Variants in CNR2 observed in about 807,000 individuals in gnomAD.
CNR2 encodes cannabinoid receptor 2, also known as cannabinoid receptor 2 (macrophage).
For synonymous variants in CNR2, 172 were observed against 182.2 expected (o/e 0.94, Z 0.45); for missense variants, 379 against 439.9 (o/e 0.86, Z 1.24).
intron 1 of CNR2, among the ~76,000 whole-genome samples, chr1:23,911,516 G>C (rs953985091): frequency 1.3e-4 from 20 of 152,118 alleles, no homozygotes; most frequent in Non-Finnish European, 2.9e-5. Context: ...GTGGGGATGG[G>C]AGTGAGGGAA....
At chr1:23,905,612 C>T (rs1640474385) in intron 1 of CNR2, among the ~76,000 whole-genome samples, 1 of 152,062 alleles carries the variant, frequency 6.6e-6, no homozygotes, top group Non-Finnish European at 1.5e-5. Flanking sequence ...AGGCTTGACT[C>T]ATGGGGCTGA....
At chr1:23,900,051 C>G (rs1025191084) in intron 1 of CNR2, among the ~76,000 whole-genome samples, 14 of 150,552 alleles carry the variant, frequency 9.3e-5, no homozygotes, top group African/African-American at 3.2e-4. Flanking sequence ...AGATTCTGAC[C>G]CTCCCTAAAC....
At chr1:23,879,041 A>G (rs1237131983) in intron 1 of CNR2, among the ~76,000 whole-genome samples, 2 of 152,256 alleles carry the variant, frequency 1.3e-5, no homozygotes, top group African/African-American at 4.8e-5. Context: ...AAGAATAGTG[A>G]GCAAGTAAGT....
intron 1 of CNR2, among the ~76,000 whole-genome samples, chr1:23,879,751 G>C (rs1639946746): frequency 6.6e-6 from 1 of 152,070 alleles, no homozygotes; most frequent in Non-Finnish European, 1.5e-5. Flanking sequence ...AAAAAACCAG[G>C]CATCATCTCT....
chr1:23,902,746 C>A lies in CNR2; in HGVS notation c.-46+10500G>T. The A allele has an allele frequency of 2.0e-6, 3 of 1,531,856 alleles. No individual in the cohort carries two copies. In the South Asian group the frequency reaches 3.6e-5, roughly 19 times the overall value. 94.9% of individuals were successfully genotyped at this position (1,531,856 alleles called of 1,614,324 possible). A position where few individuals can be genotyped will look rare whatever the true frequency, so the allele number is the denominator to read the frequency against. ...CTCTCGCGCAGCGTGGGGGACCGCG[C>A]CATTTGGGGCTCTCCGGGTGGTTGT... On this transcript the variant is annotated intron_variant, in intron 1 of 1. Coordinates refer to ENST00000374472, the MANE Select transcript of CNR2 (RefSeq NM_001841.3).
At chr1:23,885,233 C>T (rs1300150053) in intron 1 of CNR2, among the ~76,000 whole-genome samples, 1 of 151,334 alleles carries the variant, frequency 6.6e-6, no homozygotes, top group Non-Finnish European at 1.5e-5. Context: ...CTACTGCACT[C>T]CAGCCTGGTT....
chr1:23,910,676 AAAAG>A (rs1640568794), intron 1 of CNR2, among the ~76,000 whole-genome samples: 3 of 149,798 alleles, frequency 2.0e-5, no homozygotes, highest in Non-Finnish European at 3.0e-5. Context: ...AAAAAAAAAA[AAAAG>A]AAAGAAAAGA....
chr1:23,908,902 G>A (rs572298358), intron 1 of CNR2, among the ~76,000 whole-genome samples: 1 of 152,272 alleles, frequency 6.6e-6, no homozygotes, highest in South Asian at 2.1e-4. Flanking sequence ...CCTCTAGGGA[G>A]GCAAGGGAGC....
At chr1:23,890,382 A>G (rs567943016) in intron 1 of CNR2, among the ~76,000 whole-genome samples, 9 of 152,128 alleles carry the variant, frequency 5.9e-5, no homozygotes, top group Non-Finnish European at 1.0e-4. Flanking sequence ...CTCTCAGCTG[A>G]CACTTTGCCA....
intron 1 of CNR2, among the ~76,000 whole-genome samples, chr1:23,900,989 C>T (rs1227172158): frequency 6.6e-6 from 1 of 152,092 alleles, no homozygotes; most frequent in African/African-American, 2.4e-5. Flanking sequence ...TGTTCACTCC[C>T]GTATCTTAAG....
Position 23,902,324 on chromosome 1 carries a change from G to C in CNR2, c.-46+10922C>G, listed in dbSNP as rs1355573824. 1.0e-5 allele frequency: 16 copies of C among 1,555,530 alleles called. No individual in the cohort carries two copies. In the Admixed American group the frequency reaches 2.9e-4, roughly 28 times the overall value. On this transcript the variant is annotated intron_variant, in intron 1 of 1. Transcript: ENST00000374472. Reference sequence around the variant, plus strand: ...CGTCGATGACCTCCCAGCAGCGCTGGGTCAGGTCGGGCTCCTCAAACAGCC... The same window carrying C: ...CGTCGATGACCTCCCAGCAGCGCTGCGTCAGGTCGGGCTCCTCAAACAGCC...
In CNR2 at chr1:23,875,628, C is replaced by T. The variant is rs1434051411; in HGVS notation, c.-11G>A. On this transcript the variant is annotated 5_prime_UTR_variant, in exon 2 of 2. Coordinates refer to ENST00000374472, the MANE Select transcript of CNR2 (RefSeq NM_001841.3). ...CCAGCATTCCTCCATGGGGTGGGCCCTTCAGATTCCACTGAGCTTGTCTAG... is the reference window on the plus strand; with the variant it reads ...CCAGCATTCCTCCATGGGGTGGGCCTTTCAGATTCCACTGAGCTTGTCTAG... The T allele has an allele frequency of 6.3e-7, 1 of 1,582,224 alleles. No individual in the cohort carries two copies. Among genetic ancestry groups the T allele is most frequent in the Non-Finnish European group, 8.6e-7 (1 of 1,161,762 alleles).
rs1640422618 is a variant in CNR2 at position 23,902,769 on chromosome 1, T to G, written c.-46+10477A>C. On this transcript the variant is annotated intron_variant, in intron 1 of 1. Coordinates refer to ENST00000374472, the MANE Select transcript of CNR2 (RefSeq NM_001841.3). ...CGCCATTTGGGGCTCTCCGGGTGGT[T>G]GTTGCCAAGTGTGGGCTGCGCGGGC... The G allele has an allele frequency of 5.4e-6, 8 of 1,490,740 alleles. No individual in the cohort carries two copies. The East Asian group carries it at 2.0e-4, about 37-fold the overall frequency. The allele number at this position is 1,490,740 out of a possible 1,614,324, so 92.3% of individuals were successfully genotyped here. A position where few individuals can be genotyped will look rare whatever the true frequency, so the allele number is the denominator to read the frequency against.
intron 1 of CNR2, among the ~76,000 whole-genome samples, chr1:23,898,344 T>TCA (rs1385716187): frequency 1.6e-5 from 2 of 126,918 alleles, no homozygotes; most frequent in South Asian, 2.6e-4. Context: ...GCTTTTTTTT[T>TCA]TTTTTTTTTT....
intron 1 of CNR2, among the ~76,000 whole-genome samples, chr1:23,891,406 T>G (rs2502963): frequency 0.99 from 150,375 of 151,742 alleles, 74,526 homozygotes; most frequent in East Asian, 1. Flanking sequence ...ATCACCTGAG[T>G]TCAGGAGTTC....
chr1:23,902,031 G>A (rs1220293050), intron 1 of CNR2: 3 of 1,600,122 alleles, frequency 1.9e-6, no homozygotes, highest in Non-Finnish European at 2.6e-6. Context: ...AGGATGTCTG[G>A]ATGTCTGACT....
chr1:23,878,198 C>G (rs976164072), intron 1 of CNR2, among the ~76,000 whole-genome samples: 4 of 152,098 alleles, frequency 2.6e-5, no homozygotes, highest in Middle Eastern at 6.8e-3. Flanking sequence ...AACCCCATCT[C>G]TACAAAAAAA....
chr1:23,888,173 C>T (rs953038201), intron 1 of CNR2, among the ~76,000 whole-genome samples: 1 of 152,178 alleles, frequency 6.6e-6, no homozygotes, highest in Non-Finnish European at 1.5e-5. Flanking sequence ...AGCCAGTGTA[C>T]ACCTTAAATA....
intron 1 of CNR2, among the ~76,000 whole-genome samples, chr1:23,901,142 C>T (rs1451765676): frequency 6.6e-6 from 1 of 152,074 alleles, no homozygotes; most frequent in Admixed American, 6.6e-5. Flanking sequence ...AAGCTTGGAA[C>T]CACTTAGTAT....
Sources: allele counts gnomAD v4.1 joint callset (sites outside exome capture counted in the v4.1 genomes callset), GRCh38; gene constraint gnomAD v4.1.1; transcripts MANE v1.5; gene names NCBI Gene and HGNC (gene_info 2026-07-23, HGNC 2026-07-21).